The following MARCHF1 variants were observed in gnomAD, a reference collection of about 807,000 sequenced individuals.
MARCHF1 encodes the protein E3 ubiquitin-protein ligase MARCHF1.
In MARCHF1, 40 loss-of-function variants were observed where a neutral mutation model predicts 54.2. The observed-to-expected ratio is 0.74, with a 90% confidence interval of 0.57 to 0.96. MARCHF1 has a LOEUF of 0.96. Among genes scored for constraint, MARCHF1 ranks in the 40% least tolerant of loss-of-function variants. The probability of loss-of-function intolerance (pLI) is 0.00; values close to 1 mark genes in which losing one functional copy is unlikely to be tolerated. For synonymous variants in MARCHF1, 236 were observed against 236.3 expected (o/e 1.00, Z 0.01); for missense variants, 586 against 656.5 (o/e 0.89, Z 1.17).
intron 5 of MARCHF1, among the ~76,000 whole-genome samples, chr4:163,627,477 T>C (rs1395214202): frequency 1.3e-5 from 2 of 152,168 alleles, no homozygotes; most frequent in South Asian, 2.1e-4. Flanking sequence ...TAGTTTAGGG[T>C]ATACATTTGG....
In MARCHF1 at chr4:163,643,183, C is replaced by T. The variant is rs182706287; in HGVS notation, c.163-29790G>A. ...CAAAAAAAAAAAAAAAAAAATTAGC[C>T]AAGTGGTAGTGGTGCACGTCTGTAA... is the stretch of plus-strand genomic sequence containing the variant. On this transcript the variant is annotated intron_variant, in intron 5 of 9. Transcript: ENST00000514618. Among the ~76,000 whole-genome samples, 664 of 148,280 alleles carry T rather than the reference C, an allele frequency of 4.5e-3. 8 individuals carry two copies. The highest frequency in any genetic ancestry group is 0.015 in the African/African-American group (618 of 40,286).
At chr4:163,688,602 T>C (rs935323216) in intron 5 of MARCHF1, among the ~76,000 whole-genome samples, 3 of 152,208 alleles carry the variant, frequency 2.0e-5, no homozygotes, top group African/African-American at 7.2e-5. Context: ...AAAGAATGTT[T>C]GTATAGTTCA....
intron 4 of MARCHF1, among the ~76,000 whole-genome samples, chr4:163,753,297 T>G (rs532717000): frequency 1.3e-4 from 20 of 152,204 alleles, no homozygotes; most frequent in African/African-American, 4.3e-4. Context: ...ATGAAGAATA[T>G]TTTATGAAAA....
intron 4 of MARCHF1, among the ~76,000 whole-genome samples, chr4:163,745,438 G>A (rs1746330138): frequency 6.6e-6 from 1 of 152,040 alleles, no homozygotes; most frequent in Non-Finnish European, 1.5e-5. Context: ...TAAGGCACGT[G>A]TAGTAGGTAA....
At chr4:163,645,895 C>G (rs534366421) in intron 5 of MARCHF1, among the ~76,000 whole-genome samples, 51 of 152,174 alleles carry the variant, frequency 3.4e-4, no homozygotes, top group Non-Finnish European at 5.3e-4. Context: ...TACTTTTACA[C>G]CAACCCAATA....
intron 4 of MARCHF1, among the ~76,000 whole-genome samples, chr4:163,746,803 A>G (rs1156436749): frequency 6.6e-6 from 1 of 152,214 alleles, no homozygotes; most frequent in Non-Finnish European, 1.5e-5. Flanking sequence ...CGTGCTACCC[A>G]TAAGCTGATG....
chr4:163,679,119 A>G (rs1744012673), intron 5 of MARCHF1, among the ~76,000 whole-genome samples: 1 of 152,204 alleles, frequency 6.6e-6, no homozygotes, highest in Admixed American at 6.5e-5. Context: ...AAACATCCAA[A>G]TCCGTTGAAA....
chr4:163,733,455 T>A (rs866763424), intron 4 of MARCHF1, among the ~76,000 whole-genome samples: 38 of 149,586 alleles, frequency 2.5e-4, no homozygotes, highest in South Asian at 1.5e-3. Context: ...TCTTTTTTTT[T>A]AATTTTATTA....
At chr4:164,324,742 T>G (rs1735229178) in intron 1 of MARCHF1, among the ~76,000 whole-genome samples, 1 of 151,264 alleles carries the variant, frequency 6.6e-6, no homozygotes, top group African/African-American at 2.4e-5. Flanking sequence ...ATATAAAATC[T>G]TTAGAAATAA....
intron 1 of MARCHF1, among the ~76,000 whole-genome samples, chr4:164,365,290 T>C (rs1046512236): frequency 6.6e-6 from 1 of 152,148 alleles, no homozygotes; most frequent in East Asian, 1.9e-4. Context: ...TTGATTCAGG[T>C]TGGTTTTCAC....
At chr4:163,909,249 T>C (rs1181635138) in intron 3 of MARCHF1, among the ~76,000 whole-genome samples, 2 of 152,138 alleles carry the variant, frequency 1.3e-5, no homozygotes, top group Non-Finnish European at 2.9e-5. Flanking sequence ...CCACCAGCAA[T>C]AATAGAAACA....
chr4:163,627,513 A>C (rs1741913440), intron 5 of MARCHF1, among the ~76,000 whole-genome samples: 1 of 152,174 alleles, frequency 6.6e-6, no homozygotes, highest in African/African-American at 2.4e-5. Context: ...ATTTTATCAG[A>C]AACAAAGGAT....
At chr4:164,331,937 A>G (rs1416938012) in intron 1 of MARCHF1, among the ~76,000 whole-genome samples, 1 of 152,148 alleles carries the variant, frequency 6.6e-6, no homozygotes, top group East Asian at 1.9e-4. Flanking sequence ...CCTAGTCCCA[A>G]CGGTTTTGTT....
chr4:163,615,198 G>A (rs901125478), intron 5 of MARCHF1, among the ~76,000 whole-genome samples: 3 of 152,064 alleles, frequency 2.0e-5, no homozygotes, highest in African/African-American at 7.2e-5. Flanking sequence ...CAGGAGGTGG[G>A]GTGATCCCTA....
At chr4:163,775,449 T>C (rs987668575) in intron 4 of MARCHF1, among the ~76,000 whole-genome samples, 1 of 152,170 alleles carries the variant, frequency 6.6e-6, no homozygotes, top group African/African-American at 2.4e-5. Flanking sequence ...ACAAAGCCTA[T>C]CATGTAGTAG....
chr4:164,271,301 A>G (rs771080011), intron 1 of MARCHF1, among the ~76,000 whole-genome samples: 2 of 152,188 alleles, frequency 1.3e-5, no homozygotes, highest in African/African-American at 2.4e-5. Context: ...CAGTCTAATC[A>G]CATGAGTTCT....
chr4:164,129,288 A>G (rs928305569), intron 1 of MARCHF1, among the ~76,000 whole-genome samples: 2 of 152,210 alleles, frequency 1.3e-5, no homozygotes, highest in African/African-American at 4.8e-5. Flanking sequence ...TCTCATAATT[A>G]TAACTCTAAT....
intron 1 of MARCHF1, among the ~76,000 whole-genome samples, chr4:164,160,033 CT>C (rs1730188889): frequency 6.7e-6 from 1 of 148,452 alleles, no homozygotes; most frequent in Admixed American, 6.8e-5. Context: ...AAATATTGTA[CT>C]TCAGACAGAC....
intron 3 of MARCHF1, among the ~76,000 whole-genome samples, chr4:163,861,477 AAATT>A (rs1402817185): frequency 6.6e-6 from 1 of 152,180 alleles, no homozygotes; most frequent in Non-Finnish European, 1.5e-5. Context: ...TGAAATTAAT[AAATT>A]AATACTTTTA....
Sources: allele counts gnomAD v4.1 joint callset (sites outside exome capture counted in the v4.1 genomes callset), GRCh38; gene constraint gnomAD v4.1.1; transcripts MANE v1.5; gene names NCBI Gene and HGNC (gene_info 2026-07-23, HGNC 2026-07-21).